The following PDE4B variants were observed in gnomAD, a reference collection of about 807,000 sequenced individuals.
PDE4B encodes the protein phosphodiesterase 4B.
A neutral mutation model predicts 82.2 loss-of-function variants in PDE4B; 20 were observed. That is an observed-to-expected ratio of 0.24 (90% CI 0.17 to 0.35). The LOEUF is 0.35. PDE4B is among the 10% of genes least tolerant of loss of function. PDE4B has a pLI of 1.00. For missense variants in PDE4B, 655 were observed against 907.2 expected, an observed-to-expected ratio of 0.72 and a Z score of 3.57; for synonymous variants, 320 against 318.9, an observed-to-expected ratio of 1.00 and a Z score of -0.04.
intron 3 of PDE4B, among the ~76,000 whole-genome samples, chr1:66,128,281 C>A (rs2485386): frequency 1 from 152,321 of 152,340 alleles, 76,151 homozygotes; most frequent in Non-Finnish European, 1. Context: ...AATAGCTCTC[C>A]TTGGAGATTT....
intron 3 of PDE4B, among the ~76,000 whole-genome samples, chr1:66,164,535 C>CAAAAAAAAAAAAA (rs10718019): frequency 2.5e-4 from 12 of 48,556 alleles, no homozygotes; most frequent in Admixed American, 3.6e-4. Flanking sequence ...GACTCCGTCT[C>CAAAAAAAAAAAAA]AAAAAAAAAA....
chr1:65,923,641 TCTTTA>T (rs992146280), intron 3 of PDE4B, among the ~76,000 whole-genome samples: 1 of 152,212 alleles, frequency 6.6e-6, no homozygotes, highest in Non-Finnish European at 1.5e-5. Flanking sequence ...TCTGAAAATG[TCTTTA>T]CTTTATTTCA....
intron 3 of PDE4B, among the ~76,000 whole-genome samples, chr1:66,033,340 A>G (rs139424340): frequency 1.1e-3 from 170 of 152,268 alleles, no homozygotes; most frequent in Admixed American, 2.1e-3. Flanking sequence ...CAATGCTCCC[A>G]TTCTTTCTCT....
rs1337965109 is a variant in PDE4B at position 65,880,984 on chromosome 1, C to T, written c.-70-32261C>T. 2.6e-5 allele frequency among the ~76,000 whole-genome samples: 4 copies of T among 152,266 alleles called. No individual in the cohort carries two copies. In the East Asian group the frequency reaches 5.8e-4, roughly 22 times the overall value. ...GCGACCCCCTCATTGCTGACTTCAGCTTTTGTCAGCTTTCAGTAGCACTGT... is the reference window on the plus strand; with the variant it reads ...GCGACCCCCTCATTGCTGACTTCAGTTTTTGTCAGCTTTCAGTAGCACTGT... On this transcript the variant is annotated intron_variant, in intron 1 of 16. Coordinates refer to ENST00000341517, the MANE Select transcript of PDE4B (RefSeq NM_002600.4).
chr1:65,895,440 C>T (rs1646898463), intron 1 of PDE4B, among the ~76,000 whole-genome samples: 1 of 151,186 alleles, frequency 6.6e-6, no homozygotes, highest in Admixed American at 6.6e-5. Context: ...ATCTCAGCTA[C>T]TCAGGAGGCT....
intron 3 of PDE4B, among the ~76,000 whole-genome samples, chr1:66,166,593 G>A (rs941968310): frequency 4.6e-5 from 7 of 152,016 alleles, no homozygotes; most frequent in Admixed American, 3.9e-4. Context: ...AGTTAGCCGG[G>A]CATGGTGGCG....
intron 3 of PDE4B, among the ~76,000 whole-genome samples, chr1:65,930,213 C>T (rs1003839891): frequency 5.9e-5 from 9 of 152,166 alleles, no homozygotes; most frequent in African/African-American, 1.9e-4. Context: ...TATTTGCTGG[C>T]AGTTCATTAG....
intron 3 of PDE4B, among the ~76,000 whole-genome samples, chr1:66,181,133 G>A (rs1647055504): frequency 6.6e-6 from 1 of 152,076 alleles, no homozygotes; most frequent in Admixed American, 6.6e-5. Flanking sequence ...GAAAGTTTAG[G>A]GCTTGCTCAG....
intron 3 of PDE4B, among the ~76,000 whole-genome samples, chr1:66,073,212 C>T (rs995025015): frequency 8.5e-5 from 13 of 152,084 alleles, no homozygotes; most frequent in African/African-American, 4.8e-5. Context: ...GGCACATCTA[C>T]GCACCTTTCT....
intron 3 of PDE4B, among the ~76,000 whole-genome samples, chr1:65,953,518 A>G (rs540971381): frequency 1.3e-5 from 2 of 152,234 alleles, no homozygotes; most frequent in Non-Finnish European, 2.9e-5. Context: ...GTGCAAATCC[A>G]TGAGTGAGGT....
chr1:66,019,502 T>C lies in PDE4B; in HGVS notation c.281+100667T>C, dbSNP rs147883648. On this transcript the variant is annotated intron_variant, in intron 3 of 16. Transcript: ENST00000341517. ...TCCTGAGTAGCTGGGACTACAGGTG[T>C]GCATTGAAATGCCTGGCTCATTTTT... Among the ~76,000 whole-genome samples the C allele has an allele frequency of 8.6e-5, 13 of 151,818 alleles. No homozygotes were observed. The East Asian group carries it at 2.5e-3, about 29-fold the overall frequency.
intron 3 of PDE4B, among the ~76,000 whole-genome samples, chr1:66,231,058 A>G (rs796552020): frequency 1.1e-4 from 16 of 151,976 alleles, no homozygotes; most frequent in African/African-American, 3.6e-4. Flanking sequence ...AAAAATTCCT[A>G]AATTGTAAAA....
At chr1:66,339,512 A>G (rs1007013614) in intron 8 of PDE4B, among the ~76,000 whole-genome samples, 1 of 152,200 alleles carries the variant, frequency 6.6e-6, no homozygotes, top group African/African-American at 2.4e-5. Context: ...TTTCTGCCTA[A>G]CTCACTTGAA....
intron 3 of PDE4B, among the ~76,000 whole-genome samples, chr1:66,065,409 A>G (rs933460653): frequency 9.9e-5 from 15 of 152,056 alleles, no homozygotes; most frequent in African/African-American, 3.6e-4. Context: ...GTGTATTTCA[A>G]TTTAGAATAA....
At chr1:66,341,195 A>G (rs1381601379) in intron 8 of PDE4B, among the ~76,000 whole-genome samples, 4 of 152,254 alleles carry the variant, frequency 2.6e-5, no homozygotes, top group Non-Finnish European at 5.9e-5. Context: ...TTTGTAAAAT[A>G]TAGAGCACAT....
At chr1:66,279,174 T>G (rs1656105521) in intron 7 of PDE4B, among the ~76,000 whole-genome samples, 1 of 152,172 alleles carries the variant, frequency 6.6e-6, no homozygotes, top group African/African-American at 2.4e-5. Context: ...CCTGCCTAAT[T>G]GCTCCCTCCT....
At chr1:66,299,046 C>T (rs372946078) in intron 7 of PDE4B, among the ~76,000 whole-genome samples, 1 of 152,080 alleles carries the variant, frequency 6.6e-6, no homozygotes, top group Admixed American at 6.6e-5. Context: ...GCATATTCAT[C>T]ACCTTAAACA....
At chr1:66,187,006 C>T (rs528686478) in intron 3 of PDE4B, among the ~76,000 whole-genome samples, 1 of 152,176 alleles carries the variant, frequency 6.6e-6, no homozygotes, top group African/African-American at 2.4e-5. Context: ...GAGATATGTC[C>T]CATCAATACC....
chr1:66,326,120 T>C (rs891446374), intron 7 of PDE4B, among the ~76,000 whole-genome samples: 1 of 152,234 alleles, frequency 6.6e-6, no homozygotes, highest in African/African-American at 2.4e-5. Flanking sequence ...CAAACTCTGT[T>C]GATACCCATT....
Sources: allele counts gnomAD v4.1 joint callset (sites outside exome capture counted in the v4.1 genomes callset), GRCh38; gene constraint gnomAD v4.1.1; transcripts MANE v1.5; gene names NCBI Gene and HGNC (gene_info 2026-07-23, HGNC 2026-07-21).